Variants in SEM1 observed in about 807,000 individuals in gnomAD.
The protein encoded by SEM1 is 26S proteasome complex subunit SEM1.
SEM1 carries 3 observed loss-of-function variants against 12.7 expected under a neutral mutation model. The ratio of observed to expected loss-of-function variants is 0.24; its 90% CI spans 0.11 to 0.61. The LOEUF (loss-of-function observed/expected upper bound fraction) is 0.61. Ranked by LOEUF, SEM1 falls within the 20% of genes least tolerant of loss-of-function variation. The pLI, the probability that SEM1 is intolerant of heterozygous loss-of-function variation, is 0.88. For missense variants in SEM1, 59 were observed against 81.3 expected, an observed-to-expected ratio of 0.73 and a Z score of 1.06; for synonymous variants, 30 against 27.8, an observed-to-expected ratio of 1.08 and a Z score of -0.25.
intron 2 of SEM1, among the ~76,000 whole-genome samples, chr7:96,575,178 G>A (rs1012073170): frequency 2.0e-5 from 3 of 151,924 alleles, no homozygotes; most frequent in Non-Finnish European, 4.4e-5. Context: ...TGATGTTGAT[G>A]CTATTGCTTT....
At chr7:96,666,637 A>ATTTT (rs201188530) in intron 2 of SEM1, among the ~76,000 whole-genome samples, 2 of 134,526 alleles carry the variant, frequency 1.5e-5, no homozygotes, top group Non-Finnish European at 1.6e-5. Flanking sequence ...ATTGAATCCA[A>ATTTT]TTTTTTTTTT....
At chr7:96,491,705 C>T (rs529684236) in intron 1 of SEM1, among the ~76,000 whole-genome samples, 1 of 152,174 alleles carries the variant, frequency 6.6e-6, no homozygotes, top group African/African-American at 2.4e-5. Flanking sequence ...TATCTTTGCT[C>T]TCTGACAGCT....
At chr7:96,624,397 T>C (rs1807993332) in intron 2 of SEM1, among the ~76,000 whole-genome samples, 1 of 152,188 alleles carries the variant, frequency 6.6e-6, no homozygotes, top group South Asian at 2.1e-4. Flanking sequence ...TAGGGAGCTC[T>C]TTTAGTGTAG....
At chr7:96,647,282 G>C (rs1488087401) in intron 2 of SEM1, 4 of 152,194 alleles carry the variant, frequency 2.6e-5, no homozygotes, top group African/African-American at 9.7e-5. Flanking sequence ...AACTCAGAGG[G>C]CAGTTGTGAC....
intron 2 of SEM1, among the ~76,000 whole-genome samples, chr7:96,680,925 T>C (rs561832405): frequency 2.0e-5 from 3 of 152,124 alleles, no homozygotes; most frequent in South Asian, 4.2e-4. Context: ...TCAGGCAGTA[T>C]TGGAGAGCAA....
At chr7:96,685,615 C>A (rs972724852), downstream of SEM1, among the ~76,000 whole-genome samples, 4 of 151,946 alleles carry the variant, frequency 2.6e-5, no homozygotes, top group Admixed American at 6.6e-5. Context: ...TATTCAGCAT[C>A]TTGGTGCTTT....
downstream of SEM1, among the ~76,000 whole-genome samples, chr7:96,670,062 C>A (rs1414555187): frequency 1.3e-5 from 2 of 152,134 alleles, no homozygotes; most frequent in Admixed American, 6.5e-5. Context: ...ATTCTGACTT[C>A]AAGGTATATC....
At chr7:96,546,102 G>T (rs942821839) in intron 2 of SEM1, among the ~76,000 whole-genome samples, 14 of 152,060 alleles carry the variant, frequency 9.2e-5, no homozygotes, top group African/African-American at 3.4e-4. Context: ...AGAGGGGGTT[G>T]CTTCTTAGCC....
chr7:96,706,213 G>A (rs902122116), intron 1 of SEM1: 1 of 152,162 alleles, frequency 6.6e-6, no homozygotes, highest in Non-Finnish European at 1.5e-5. Flanking sequence ...AATAAAAGCA[G>A]CATTTGTACC....
chr7:96,616,065 G>T (rs138308915), intron 2 of SEM1, among the ~76,000 whole-genome samples: 1 of 152,226 alleles, frequency 6.6e-6, no homozygotes, highest in African/African-American at 2.4e-5. Context: ...ACCTAGTAGT[G>T]AGACTGTTGG....
chr7:96,699,584 C>T (rs1321429533), intron 1 of SEM1, among the ~76,000 whole-genome samples: 1 of 152,174 alleles, frequency 6.6e-6, no homozygotes, highest in East Asian at 1.9e-4. Flanking sequence ...AATATACATA[C>T]ACATTTATTT....
At chr7:96,492,262 C>A (rs1160886507) in intron 1 of SEM1, among the ~76,000 whole-genome samples, 1 of 152,168 alleles carries the variant, frequency 6.6e-6, no homozygotes, top group African/African-American at 2.4e-5. Flanking sequence ...CTGATAAACT[C>A]CATCTACTTC....
At chr7:96,695,196 A>C in intron 1 of SEM1, 1 of 201,894 alleles carries the variant, frequency 5.0e-6, no homozygotes. Context: ...CGACTTCACA[A>C]TCTTTCAAAA....
intron 1 of SEM1, among the ~76,000 whole-genome samples, chr7:96,702,086 T>C (rs1790291665): frequency 6.6e-6 from 1 of 151,944 alleles, no homozygotes; most frequent in Non-Finnish European, 1.5e-5. Context: ...AAAGATTGGT[T>C]AGGAAGGGGG....
At chr7:96,631,276 C>T (rs192380959) in intron 2 of SEM1, among the ~76,000 whole-genome samples, 19 of 152,252 alleles carry the variant, frequency 1.2e-4, no homozygotes, top group Admixed American at 7.8e-4. Flanking sequence ...GCAAGGCTTG[C>T]GGGGAACTCA....
chr7:96,653,502 G>A (rs1316999031), intron 2 of SEM1, among the ~76,000 whole-genome samples: 2 of 152,142 alleles, frequency 1.3e-5, no homozygotes, highest in African/African-American at 4.8e-5. Flanking sequence ...AAGAGAGGTG[G>A]GACAGAAGTA....
intron 2 of SEM1, among the ~76,000 whole-genome samples, chr7:96,507,211 A>G (rs6953197): frequency 0.079 from 11,954 of 152,076 alleles, 1,459 homozygotes; most frequent in African/African-American, 0.26. Flanking sequence ...TTTAAGGTAA[A>G]GAATATATAT....
intron 2 of SEM1, among the ~76,000 whole-genome samples, chr7:96,641,827 T>A (rs566265632): frequency 2.0e-5 from 3 of 152,142 alleles, no homozygotes; most frequent in African/African-American, 7.2e-5. Flanking sequence ...TGCTTTTTTT[T>A]AATGTTTATT....
chr7:96,679,775 T>TGTA (rs2115684143), intron 2 of SEM1, among the ~76,000 whole-genome samples: 1 of 152,292 alleles, frequency 6.6e-6, no homozygotes, highest in Admixed American at 6.5e-5. Flanking sequence ...AGGTCTCTAC[T>TGTA]GTTTCCTAAT....
Sources: gnomAD v4.1 joint callset for allele counts (sites outside exome capture counted in the v4.1 genomes callset) on GRCh38, gnomAD v4.1.1 for gene constraint, MANE v1.5 for transcripts, NCBI Gene and HGNC (gene_info 2026-07-23, HGNC 2026-07-21) for gene names.